Variants in HOMER2 observed in about 807,000 individuals in gnomAD.
HOMER2 encodes the protein homer scaffold protein 2, also known as homer protein homolog 2.
A neutral mutation model predicts 47.0 loss-of-function variants in HOMER2; 27 were observed. The ratio of observed to expected loss-of-function variants is 0.57; its 90% CI spans 0.42 to 0.79. The LOEUF (loss-of-function observed/expected upper bound fraction) is 0.79, where lower values mean the gene tolerates loss of function less well. HOMER2 is among the 30% of genes least tolerant of loss of function. HOMER2 has a pLI of 0.00. For missense variants in HOMER2, 443 were observed against 435.0 expected (o/e 1.02, Z -0.16); for synonymous variants, 161 against 163.8 (o/e 0.98, Z 0.13).
chr15:82,917,334 C>G (rs2053617627), intron 1 of HOMER2, among the ~76,000 whole-genome samples: 1 of 152,218 alleles, frequency 6.6e-6, no homozygotes, highest in African/African-American at 2.4e-5. Context: ...AAGGTGGCCT[C>G]AAGAATTGAT....
intron 2 of HOMER2, among the ~76,000 whole-genome samples, chr15:82,878,282 C>T (rs547879808): frequency 6.6e-6 from 1 of 152,100 alleles, no homozygotes; most frequent in Non-Finnish European, 1.5e-5. Flanking sequence ...AATGGTGATA[C>T]CCCCTGCTAT....
chr15:82,972,716 C>G lies in HOMER2; in HGVS notation n.82+13071G>C, dbSNP rs2030039605. Reference sequence around the variant, plus strand: ...AAGAAAGAAAGAAAATTCTTAGGCACTGCAGTAGAGGTACAAGAAAATGGA... The same window carrying G: ...AAGAAAGAAAGAAAATTCTTAGGCAGTGCAGTAGAGGTACAAGAAAATGGA... On this transcript the variant is annotated intron_variant and non_coding_transcript_variant, in intron 1 of 1. Transcript: ENST00000500334. 3.9e-5 allele frequency among the ~76,000 whole-genome samples: 6 copies of G among 152,188 alleles called. No homozygotes were observed. The South Asian group carries it at 1.2e-3, about 32-fold the overall frequency.
chr15:82,911,046 G>A (rs1046851447), intron 1 of HOMER2, among the ~76,000 whole-genome samples: 24 of 152,154 alleles, frequency 1.6e-4, no homozygotes, highest in African/African-American at 4.3e-4. Flanking sequence ...GTGCCTTTTT[G>A]CTATTAATAG....
chr15:82,982,534 C>T (rs8037659), intron 1 of HOMER2, among the ~76,000 whole-genome samples: 1 of 151,562 alleles, frequency 6.6e-6, no homozygotes, highest in Admixed American at 6.6e-5. Flanking sequence ...AAAGAAAATA[C>T]CAGTTGAGTA....
At chr15:82,874,981 C>T (rs1461381002) in intron 3 of HOMER2, among the ~76,000 whole-genome samples, 1 of 152,108 alleles carries the variant, frequency 6.6e-6, no homozygotes, top group Non-Finnish European at 1.5e-5. Flanking sequence ...CTGATACCAC[C>T]GGGCACAGGG....
chr15:82,937,659 A>G (rs1824398277), intron 1 of HOMER2, among the ~76,000 whole-genome samples: 1 of 152,084 alleles, frequency 6.6e-6, no homozygotes, highest in African/African-American at 2.4e-5. Flanking sequence ...GGTCTGGAAG[A>G]ATTAACAACA....
chr15:82,917,970 A>T (rs1332139169), intron 1 of HOMER2, among the ~76,000 whole-genome samples: 1 of 152,094 alleles, frequency 6.6e-6, no homozygotes, highest in Non-Finnish European at 1.5e-5. Flanking sequence ...CTGAGACTAG[A>T]GCCCTGCAGG....
chr15:82,951,890 G>T, intron 1 of HOMER2: 1 of 208,034 alleles, frequency 4.8e-6, no homozygotes, highest in African/African-American at 2.3e-5. Context: ...ACTGCTCAGA[G>T]AGACGCCGAG....
chr15:82,916,959 G>A (rs1280485375), intron 1 of HOMER2, among the ~76,000 whole-genome samples: 3 of 152,152 alleles, frequency 2.0e-5, no homozygotes, highest in Non-Finnish European at 2.9e-5. Flanking sequence ...ACGCCACAAT[G>A]TCCAGCTAAT....
At chr15:82,912,067 A>G (rs2053468813) in intron 1 of HOMER2, among the ~76,000 whole-genome samples, 1 of 152,218 alleles carries the variant, frequency 6.6e-6, no homozygotes, top group Non-Finnish European at 1.5e-5. Flanking sequence ...CACATAAAAA[A>G]TGAATAATTT....
intron 2 of HOMER2, 54 bp downstream of exon 2, chr15:82,892,631 C>A: frequency 7.2e-7 from 1 of 1,394,068 alleles, no homozygotes; most frequent in South Asian, 1.9e-5. Context: ...TTGGGTGCAT[C>A]TTGGATGAAA....
chr15:82,898,201 C>T (rs1020103945), intron 1 of HOMER2, among the ~76,000 whole-genome samples: 1 of 152,102 alleles, frequency 6.6e-6, no homozygotes, highest in African/African-American at 2.4e-5. Context: ...AAAAGCAGAC[C>T]CTGACTTTGA....
At chr15:82,955,084 T>C (rs180849450), upstream of HOMER2, among the ~76,000 whole-genome samples, 1 of 151,886 alleles carries the variant, frequency 6.6e-6, no homozygotes, top group Admixed American at 6.6e-5. Context: ...CCCATTCTGT[T>C]CTATTTTTAA....
At chr15:82,859,793 C>T (rs1307587887) in intron 4 of HOMER2, among the ~76,000 whole-genome samples, 1 of 151,222 alleles carries the variant, frequency 6.6e-6, no homozygotes, top group African/African-American at 2.4e-5. Context: ...TATTTAGCCT[C>T]AAATAAGTAC....
chr15:82,981,040 G>T (rs886147719), intron 1 of HOMER2, among the ~76,000 whole-genome samples: 1 of 152,308 alleles, frequency 6.6e-6, no homozygotes, highest in East Asian at 1.9e-4. Context: ...GAGCAAGTGT[G>T]GGGGTGGAAG....
intron 2 of HOMER2, among the ~76,000 whole-genome samples, chr15:82,888,433 C>A (rs1390906148): frequency 1.5e-3 from 1 of 656 alleles, no homozygotes; most frequent in Non-Finnish European, 2.8e-3. Flanking sequence ...CCAGTTCGAG[C>A]TTCCCGGCTG....
intron 8 of HOMER2, among the ~76,000 whole-genome samples, 159 bp downstream of exon 8, chr15:82,850,992 C>T (rs774741308): frequency 5.3e-5 from 8 of 152,224 alleles, no homozygotes; most frequent in African/African-American, 1.4e-4. Flanking sequence ...GGGGTGGATG[C>T]GGTGCCATCT....
At position 82,978,105 on chromosome 15, in the gene HOMER2, G is replaced by A. The variant is rs570531672; in HGVS notation, n.82+7682C>T. On this transcript the variant is annotated intron_variant and non_coding_transcript_variant, in intron 1 of 1. Coordinates refer to the HOMER2 transcript ENST00000500334. ...GCAGAGGTTATGGCGAGTCGAGATC[G>A]TGCCTCTGCACTCCAGCCTGGGCAA... Among the ~76,000 whole-genome samples the A allele has an allele frequency of 2.2e-4, 34 of 152,258 alleles. 1 individual carries two copies. The highest frequency in any genetic ancestry group is 7.5e-4 in the African/African-American group (31 of 41,540).
intron 1 of HOMER2, among the ~76,000 whole-genome samples, chr15:82,923,284 G>A (rs753658140): frequency 5.9e-5 from 9 of 151,922 alleles, no homozygotes; most frequent in Non-Finnish European, 1.0e-4. Context: ...TCAGGAGTTC[G>A]AGACGAGCCT....
Sources: gnomAD v4.1 joint callset for allele counts (sites outside exome capture counted in the v4.1 genomes callset) on GRCh38, gnomAD v4.1.1 for gene constraint, MANE v1.5 for transcripts, NCBI Gene and HGNC (gene_info 2026-07-23, HGNC 2026-07-21) for gene names.